The following ZBTB38 variants were observed in gnomAD, a reference collection of about 807,000 sequenced individuals.
The protein encoded by ZBTB38 is zinc finger and BTB domain-containing protein 38.
In ZBTB38, 20 loss-of-function variants were observed where a neutral mutation model predicts 76.8. The ratio of observed to expected loss-of-function variants is 0.26; its 90% CI spans 0.18 to 0.38. ZBTB38 has a LOEUF of 0.38. ZBTB38 is among the 10% of genes least tolerant of loss of function. The pLI is 1.00. For missense variants in ZBTB38, 1,082 were observed against 1,482.3 expected (o/e 0.73, Z 4.43); for synonymous variants, 504 against 544.2 (o/e 0.93, Z 1.03).
intron 5 of ZBTB38, among the ~76,000 whole-genome samples, chr3:141,426,657 A>C (rs187872591): frequency 6.6e-6 from 1 of 152,330 alleles, no homozygotes; most frequent in Non-Finnish European, 1.5e-5. Flanking sequence ...CCAAGGCCTC[A>C]CACGACACTG....
chr3:141,391,259 T>G (rs1254205409), intron 4 of ZBTB38, among the ~76,000 whole-genome samples: 2 of 152,224 alleles, frequency 1.3e-5, no homozygotes, highest in Admixed American at 6.5e-5. Flanking sequence ...GTTCTGAGGA[T>G]GTAGCATTTA....
At chr3:141,329,110 C>T (rs1284274481) in intron 1 of ZBTB38, among the ~76,000 whole-genome samples, 2 of 152,174 alleles carry the variant, frequency 1.3e-5, no homozygotes, top group Admixed American at 6.5e-5. Context: ...AAAAAAACCC[C>T]GCCTCCTTGG....
chr3:141,353,002 C>T (rs1176694289), intron 1 of ZBTB38, among the ~76,000 whole-genome samples: 1 of 152,070 alleles, frequency 6.6e-6, no homozygotes, highest in African/African-American at 2.4e-5. Context: ...CCAACAAACC[C>T]TGACCTCCCC....
At chr3:141,423,439 T>C (rs1433950015) in intron 5 of ZBTB38, among the ~76,000 whole-genome samples, 1 of 152,240 alleles carries the variant, frequency 6.6e-6, no homozygotes, top group East Asian at 1.9e-4. Flanking sequence ...CACTGCTGTG[T>C]CCACTTTATA....
chr3:141,431,546 A>G (rs2077613208), intron 5 of ZBTB38, among the ~76,000 whole-genome samples: 2 of 151,932 alleles, frequency 1.3e-5, no homozygotes, highest in African/African-American at 4.8e-5. Context: ...GCATTTCAAA[A>G]AGAAAAAAGA....
At chr3:141,329,097 A>C (rs1686773629) in intron 1 of ZBTB38, among the ~76,000 whole-genome samples, 1 of 152,290 alleles carries the variant, frequency 6.6e-6, no homozygotes, top group Non-Finnish European at 1.5e-5. Context: ...CAAGCCACAA[A>C]AGAAAAAAAC....
At chr3:141,373,792 T>C (rs780469560) in intron 2 of ZBTB38, among the ~76,000 whole-genome samples, 2 of 152,180 alleles carry the variant, frequency 1.3e-5, no homozygotes, top group African/African-American at 2.4e-5. Context: ...AGGTGATATA[T>C]GCAAAATGAT....
chr3:141,402,789 T>C (rs1952724579), intron 4 of ZBTB38: 1 of 152,012 alleles, frequency 6.6e-6, no homozygotes, highest in African/African-American at 2.4e-5. Context: ...CGAGGAGGAA[T>C]GCGCTCCCGG....
intron 4 of ZBTB38, among the ~76,000 whole-genome samples, chr3:141,396,093 T>C (rs1021961565): frequency 2.0e-5 from 3 of 152,224 alleles, no homozygotes; most frequent in Admixed American, 6.5e-5. Context: ...ACTGCATTTA[T>C]TGACTTTCAC....
chr3:141,328,781 T>C (rs1314411609), intron 1 of ZBTB38, among the ~76,000 whole-genome samples: 1 of 152,142 alleles, frequency 6.6e-6, no homozygotes, highest in Admixed American at 6.5e-5. Flanking sequence ...AAGGCCCTTC[T>C]TTCCCCTCTT....
chr3:141,325,690 G>A (rs1942652716), intron 1 of ZBTB38, among the ~76,000 whole-genome samples: 1 of 152,344 alleles, frequency 6.6e-6, no homozygotes, highest in South Asian at 2.1e-4. Context: ...TTGCATTAGT[G>A]AAGCATAGAG....
chr3:141,340,945 A>AAGAAAAGAAAAGAAAAGAAAGAAG (rs1491533380), intron 1 of ZBTB38, among the ~76,000 whole-genome samples: 2 of 76,028 alleles, frequency 2.6e-5, no homozygotes, highest in African/African-American at 1.4e-4. Flanking sequence ...AAGAAAAGAA[A>AAGAAAAGAAAAGAAAAGAAAGAAG]GAAGGAAAGA....
At chr3:141,364,581 G>T (rs1943905899), upstream of ZBTB38, among the ~76,000 whole-genome samples, 1 of 150,330 alleles carries the variant, frequency 6.7e-6, no homozygotes. Context: ...GGAGGCTGAG[G>T]CAGGAGAATC....
intron 4 of ZBTB38, among the ~76,000 whole-genome samples, chr3:141,401,122 A>G (rs904055214): frequency 1.3e-5 from 2 of 152,268 alleles, no homozygotes; most frequent in Non-Finnish European, 2.9e-5. Flanking sequence ...GGAATCCACT[A>G]TTAACAACAG....
chr3:141,369,863 A>G lies in ZBTB38; in HGVS notation c.-309-9A>G, dbSNP rs1944287478. 6.6e-6 allele frequency: 1 copy of G among 152,172 alleles called. No individual in the cohort carries two copies. Among genetic ancestry groups the G allele is most frequent in the African/African-American group, 2.4e-5 (1 of 41,426 alleles). The allele number at this position is 152,172 out of a possible 1,614,324, so 9.4% of individuals were successfully genotyped here. ...ATGTTTTACTTTTTGTTTTACTTTA[A>G]TATATTAGGTTGTCTTGAAGTGAGG... is the stretch of plus-strand genomic sequence containing the variant. On this transcript the variant is annotated splice_polypyrimidine_tract_variant and intron_variant, in intron 1 of 5. Transcript: ENST00000321464.
intron 1 of ZBTB38, among the ~76,000 whole-genome samples, chr3:141,330,484 C>G (rs1942815102): frequency 6.6e-6 from 1 of 152,148 alleles, no homozygotes; most frequent in African/African-American, 2.4e-5. Flanking sequence ...TCTCAGCCAC[C>G]CTGTGGAGTT....
intron 5 of ZBTB38, among the ~76,000 whole-genome samples, chr3:141,409,695 C>G (rs770364377): frequency 3.9e-5 from 6 of 152,206 alleles, no homozygotes; most frequent in Non-Finnish European, 8.8e-5. Context: ...GCAAGCCTTT[C>G]TTTTAGAGTA....
At chr3:141,390,342 C>T (rs930562254) in intron 4 of ZBTB38, among the ~76,000 whole-genome samples, 7 of 152,184 alleles carry the variant, frequency 4.6e-5, no homozygotes, top group African/African-American at 1.7e-4. Context: ...GCAGGTGTGA[C>T]AGCAAGACTG....
chr3:141,365,939 T>A (rs528473068), upstream of ZBTB38, among the ~76,000 whole-genome samples: 1 of 152,314 alleles, frequency 6.6e-6, no homozygotes, highest in Non-Finnish European at 1.5e-5. Flanking sequence ...GAAATCTAAG[T>A]CAACAAGTAT....
Sources: allele counts gnomAD v4.1 joint callset (sites outside exome capture counted in the v4.1 genomes callset), GRCh38; gene constraint gnomAD v4.1.1; transcripts MANE v1.5; gene names NCBI Gene and HGNC (gene_info 2026-07-23, HGNC 2026-07-21).